Variants in ST8SIA6 observed in about 807,000 individuals in gnomAD.
ST8SIA6 encodes ST8 alpha-N-acetyl-neuraminide alpha-2,8-sialyltransferase 6, also known as alpha-2,8-sialyltransferase 8F.
ST8SIA6 carries 39 observed loss-of-function variants against 33.6 expected under a neutral mutation model. The observed-to-expected ratio is 1.16, with a 90% CI of 0.90 to 1.52. The LOEUF is 1.52. Ranked by LOEUF, ST8SIA6 falls within the 40% of genes most tolerant of loss-of-function variation. The probability of loss-of-function intolerance (pLI) is 0.00; values close to 1 mark genes in which losing one functional copy is unlikely to be tolerated. For synonymous variants in ST8SIA6, 172 were observed against 167.2 expected (o/e 1.03, Z -0.22); for missense variants, 441 against 443.8 (o/e 0.99, Z 0.06).
At chr10:17,352,688 C>G (rs539875447) in intron 4 of ST8SIA6, among the ~76,000 whole-genome samples, 1 of 152,174 alleles carries the variant, frequency 6.6e-6, no homozygotes, top group Admixed American at 6.5e-5. Context: ...ACTTTGATGG[C>G]AAAGTTTATA....
At chr10:17,402,120 A>G (rs1269728151) in intron 2 of ST8SIA6, among the ~76,000 whole-genome samples, 2 of 152,254 alleles carry the variant, frequency 1.3e-5, no homozygotes, top group African/African-American at 4.8e-5. Context: ...TGGGCGAAGG[A>G]TATGAACAGA....
At chr10:17,330,902 T>C (rs1588788650) in intron 5 of ST8SIA6, among the ~76,000 whole-genome samples, 1 of 152,198 alleles carries the variant, frequency 6.6e-6, no homozygotes, top group East Asian at 1.9e-4. Flanking sequence ...ATATATGTAC[T>C]GGGAAATGTT....
chr10:17,407,230 G>C (rs1210570373), intron 2 of ST8SIA6, among the ~76,000 whole-genome samples: 1 of 152,154 alleles, frequency 6.6e-6, no homozygotes, highest in Non-Finnish European at 1.5e-5. Context: ...ATAACACTCT[G>C]ACATATATGT....
rs35428636 is a variant in ST8SIA6 at position 17,361,517 on chromosome 10, AACACACACACAC to A, written c.291-1929_291-1918del. Among the ~76,000 whole-genome samples, 8 of 146,198 alleles carry A rather than the reference AACACACACACAC, an allele frequency of 5.5e-5. No individual in the cohort carries two copies. The East Asian group carries it at 8.0e-4, about 15-fold the overall frequency. ...TTTGTAATTAAAATTCTTCCTACAA[AACACACACACAC>A]ACACACACACACACACACACACGGC... On this transcript the variant is annotated intron_variant, in intron 3 of 7. Coordinates refer to ENST00000377602, the MANE Select transcript of ST8SIA6 (RefSeq NM_001004470.3).
intron 2 of ST8SIA6, among the ~76,000 whole-genome samples, chr10:17,444,080 G>A (rs1023942276): frequency 2.0e-5 from 3 of 152,150 alleles, no homozygotes; most frequent in African/African-American, 2.4e-5. Flanking sequence ...AAATGTCTGT[G>A]TTTCTCTATA....
At chr10:17,345,852 C>G (rs1848815721) in intron 4 of ST8SIA6, among the ~76,000 whole-genome samples, 1 of 152,134 alleles carries the variant, frequency 6.6e-6, no homozygotes, top group Non-Finnish European at 1.5e-5. Context: ...GAAAGATAGG[C>G]AATGACACAG....
chr10:17,414,963 C>A (rs1851558626), intron 2 of ST8SIA6, among the ~76,000 whole-genome samples: 1 of 152,010 alleles, frequency 6.6e-6, no homozygotes, highest in South Asian at 2.1e-4. Context: ...TGTTCTGGCT[C>A]CTGCCCGTCT....
chr10:17,421,718 G>A (rs1028709317), intron 2 of ST8SIA6, among the ~76,000 whole-genome samples: 3 of 151,794 alleles, frequency 2.0e-5, no homozygotes, highest in Middle Eastern at 3.2e-3. Flanking sequence ...GTGTGTCACC[G>A]TGCCCTTCTA....
rs573804299 is a variant in ST8SIA6 at position 17,440,920 on chromosome 10, G to A, written c.200+12639C>T. Among the ~76,000 whole-genome samples the A allele has an allele frequency of 4.5e-4, 69 of 152,252 alleles. No homozygotes were observed. The South Asian group carries it at 6.6e-3, about 15-fold the overall frequency. On this transcript the variant is annotated intron_variant, in intron 2 of 7. Transcript: ENST00000377602. Reference sequence around the variant, plus strand: ...CTGTCTATCTTCTTTGCTGAAGATAGGTCTTCACATCTGCCCATTTTTAAA... The same window carrying A: ...CTGTCTATCTTCTTTGCTGAAGATAAGTCTTCACATCTGCCCATTTTTAAA...
At chr10:17,379,717 T>C (rs1850062943) in intron 3 of ST8SIA6, among the ~76,000 whole-genome samples, 1 of 152,158 alleles carries the variant, frequency 6.6e-6, no homozygotes, top group African/African-American at 2.4e-5. Flanking sequence ...CTTATATTGA[T>C]TGATGTCTCA....
At chr10:17,340,466 G>A (rs187213) in intron 4 of ST8SIA6, among the ~76,000 whole-genome samples, 78,577 of 151,938 alleles carry the variant, frequency 0.52, 20,589 homozygotes, top group African/African-American at 0.59. Context: ...ACAGCCAATC[G>A]GAATTAAGCT....
chr10:17,453,617 G>C lies in ST8SIA6; in HGVS notation c.142C>G (p.Pro48Ala), dbSNP rs1016446369. ...CTCCGGAGCGTCCTCAGCGCTGCGGGGGTGCCGTGGGTGGCCTCCCTGCTT... is the reference window on the plus strand; with the variant it reads ...CTCCGGAGCGTCCTCAGCGCTGCGGCGGTGCCGTGGGTGGCCTCCCTGCTT... ...EESREATHGT[P>A]AALRTLRSPA... Residue 48 changes from proline (P) to alanine (A), a missense_variant, in exon 2 of 8, where the codon CCC (proline) becomes GCC (alanine). Transcript: ENST00000377602. 8 of 1,326,656 alleles carry C rather than the reference G, an allele frequency of 6.0e-6. No individual in the cohort carries two copies. The highest frequency in any genetic ancestry group is 3.1e-5 in the Admixed American group (1 of 32,510). The allele number at this position is 1,326,656 out of a possible 1,614,324, so 82.2% of individuals were successfully genotyped here.
intron 4 of ST8SIA6, among the ~76,000 whole-genome samples, chr10:17,355,333 G>A (rs542687853): frequency 1.3e-5 from 2 of 152,130 alleles, no homozygotes; most frequent in Non-Finnish European, 2.9e-5. Context: ...TTCAGATGCA[G>A]GATTTCTCAT....
rs1848237344 is a variant in ST8SIA6 at position 17,329,702 on chromosome 10, G to T, written c.522+1706C>A. ...TCACAATAAGGAATGTTTTTCTCTG[G>T]TTTCTTGGTCAACTGGGAGGAAAAC... On this transcript the variant is annotated intron_variant, in intron 5 of 7. Transcript: ENST00000377602. Among the ~76,000 whole-genome samples, 3 of 152,106 alleles carry T rather than the reference G, an allele frequency of 2.0e-5. 1 individual carries two copies. The South Asian group carries it at 6.2e-4, about 32-fold the overall frequency.
At chr10:17,372,691 A>G (rs564657839) in intron 3 of ST8SIA6, among the ~76,000 whole-genome samples, 2 of 152,224 alleles carry the variant, frequency 1.3e-5, no homozygotes, top group South Asian at 2.1e-4. Context: ...AATGTAAAGG[A>G]TTATGAACTG....
At chr10:17,372,552 A>G (rs972362787) in intron 3 of ST8SIA6, among the ~76,000 whole-genome samples, 5 of 152,230 alleles carry the variant, frequency 3.3e-5, no homozygotes, top group Non-Finnish European at 7.3e-5. Context: ...ACTCTGAAGA[A>G]ATATCGCAAG....
At chr10:17,406,548 T>C (rs1248055251) in intron 2 of ST8SIA6, among the ~76,000 whole-genome samples, 1 of 152,228 alleles carries the variant, frequency 6.6e-6, no homozygotes, top group Non-Finnish European at 1.5e-5. Flanking sequence ...CTTGTTAATC[T>C]GTCTTTTCTT....
intron 2 of ST8SIA6, among the ~76,000 whole-genome samples, chr10:17,430,191 G>A (rs1353686107): frequency 6.6e-6 from 1 of 152,084 alleles, no homozygotes; most frequent in Non-Finnish European, 1.5e-5. Flanking sequence ...TAAGAATAAT[G>A]GCCGCCAGCT....
Position 17,317,908 on chromosome 10 carries a change from T to C in ST8SIA6, c.*2970A>G, listed in dbSNP as rs987891168. Reference sequence around the variant, plus strand: ...ATGATCTATTTGTCATTGCCTTTTGTTCCAAGGGAAAAGCACCAGAGACTT... The same window carrying C: ...ATGATCTATTTGTCATTGCCTTTTGCTCCAAGGGAAAAGCACCAGAGACTT... On this transcript the variant is annotated 3_prime_UTR_variant, in exon 8 of 8. Coordinates refer to ENST00000377602, the MANE Select transcript of ST8SIA6 (RefSeq NM_001004470.3). 3.3e-5 allele frequency among the ~76,000 whole-genome samples: 5 copies of C among 152,322 alleles called. 1 individual carries two copies. In the Middle Eastern group the frequency reaches 0.01, roughly 311 times the overall value.
Sources: allele counts gnomAD v4.1 joint callset (sites outside exome capture counted in the v4.1 genomes callset), GRCh38; gene constraint gnomAD v4.1.1; transcripts MANE v1.5; gene names NCBI Gene and HGNC (gene_info 2026-07-23, HGNC 2026-07-21).